The following DBF4B variants were observed in gnomAD, a reference collection of about 807,000 sequenced individuals.
DBF4B encodes protein DBF4 homolog B.
In DBF4B, 49 loss-of-function variants were observed where a neutral mutation model predicts 53.4. That is an observed-to-expected ratio of 0.92 (90% CI 0.73 to 1.16). The LOEUF is 1.16. Among genes scored for constraint, DBF4B ranks in the 50% most tolerant of loss-of-function variants. The probability of loss-of-function intolerance (pLI) is 0.00; values close to 1 mark genes in which losing one functional copy is unlikely to be tolerated. For synonymous variants in DBF4B, 257 were observed against 288.7 expected (o/e 0.89, Z 1.11); for missense variants, 692 against 775.0 (o/e 0.89, Z 1.27).
At chr17:44,711,867 C>T (rs928021108) in intron 2 of DBF4B, among the ~76,000 whole-genome samples, 1 of 150,950 alleles carries the variant, frequency 6.6e-6, no homozygotes, top group African/African-American at 2.4e-5. Flanking sequence ...ACCCGGGAGG[C>T]GGAGCTTGCA....
chr17:44,745,646 A>G (rs1198616946), intron 10 of DBF4B, among the ~76,000 whole-genome samples: 1 of 152,238 alleles, frequency 6.6e-6, no homozygotes, highest in Non-Finnish European at 1.5e-5. Context: ...CTCCATTGAC[A>G]CTTGGGGATT....
At chr17:44,718,246 A>G (rs1973505423) in intron 2 of DBF4B, among the ~76,000 whole-genome samples, 2 of 151,874 alleles carry the variant, frequency 1.3e-5, no homozygotes, top group African/African-American at 2.4e-5. Flanking sequence ...CCTGGCCAAC[A>G]TGGCTGTCTC....
chr17:44,748,830 C>G (rs1567678032), intron 13 of DBF4B: 4 of 1,293,960 alleles, frequency 3.1e-6, no homozygotes, highest in Non-Finnish European at 4.0e-6. Flanking sequence ...AGCGTCTTCC[C>G]TCTCTTCCCC....
chr17:44,740,873 C>T (rs1975939675), intron 9 of DBF4B, among the ~76,000 whole-genome samples: 1 of 152,176 alleles, frequency 6.6e-6, no homozygotes, highest in South Asian at 2.1e-4. Flanking sequence ...TGGTGGCTCA[C>T]GCCTGTAATC....
intron 12 of DBF4B, 47 bp from the exon 13 acceptor site, chr17:44,748,294 T>C (rs2049163915): frequency 6.5e-7 from 1 of 1,550,368 alleles, no homozygotes; most frequent in Non-Finnish European, 8.7e-7. Flanking sequence ...GGCCCAGGCC[T>C]GCTGTGAAGT....
In DBF4B at chr17:44,719,780, G is replaced by A. The variant is rs563800648; in HGVS notation, c.83-3100G>A. On this transcript the variant is annotated intron_variant, in intron 2 of 13. Coordinates refer to ENST00000315005, the MANE Select transcript of DBF4B (RefSeq NM_145663.3). ...GAAATTCAGAACACCAATTTGTGAGGATAAATTCCATTCGTTAGGGCAGAC... is the reference window on the plus strand; with the variant it reads ...GAAATTCAGAACACCAATTTGTGAGAATAAATTCCATTCGTTAGGGCAGAC... 5.8e-4 allele frequency: 126 copies of A among 215,896 alleles called. 1 individual carries two copies. Among genetic ancestry groups the A allele is most frequent in the Admixed American group, 9.3e-4 (21 of 22,652 alleles). 13.4% of individuals were successfully genotyped at this position (215,896 alleles called of 1,614,324 possible).
intron 4 of DBF4B, 114 bp downstream of exon 4, chr17:44,730,210 T>C: frequency 1.7e-6 from 2 of 1,175,828 alleles, no homozygotes. Context: ...AATCTCTCAT[T>C]TGAATTCAGG....
intron 2 of DBF4B, among the ~76,000 whole-genome samples, chr17:44,716,960 C>T (rs550230808): frequency 6.6e-6 from 1 of 152,228 alleles, no homozygotes; most frequent in Admixed American, 6.5e-5. Context: ...GCATCTCTTG[C>T]CTGTTGTCTT....
At chr17:44,744,083 C>CCG (rs1976355749) in intron 10 of DBF4B, among the ~76,000 whole-genome samples, 1 of 15,946 alleles carries the variant, frequency 6.3e-5, no homozygotes, top group Non-Finnish European at 1.6e-4. Context: ...ATGAGACCAC[C>CCG]CCCCCCCCCC....
rs188969222 is a variant in DBF4B, at chr17:44,722,205, C to G, written c.83-675C>G. On this transcript the variant is annotated intron_variant, in intron 2 of 13. Coordinates refer to ENST00000315005, the MANE Select transcript of DBF4B (RefSeq NM_145663.3). ...CCCCTGGAATATGGGCTCATTCACT[C>G]TCCATTTGCAGCAGCATTCTGTGCT... Among the ~76,000 whole-genome samples the G allele has an allele frequency of 6.6e-5, 10 of 151,882 alleles. No individual in the cohort carries two copies. The East Asian group carries it at 1.7e-3, about 26-fold the overall frequency.
intron 3 of DBF4B, among the ~76,000 whole-genome samples, chr17:44,728,830 C>T (rs1445714024): frequency 6.6e-6 from 1 of 151,764 alleles, no homozygotes; most frequent in Non-Finnish European, 1.5e-5. Flanking sequence ...GACACGGTGG[C>T]TCACACCTGT....
chr17:44,741,185 GA>G, intron 9 of DBF4B, 150 bp from the exon 10 acceptor site: 1 of 630,802 alleles, frequency 1.6e-6, no homozygotes, highest in Non-Finnish European at 2.9e-6. Context: ...ATTTAACCTA[GA>G]AAGGCTGATG....
chr17:44,752,177 T>G lies in DBF4B; in HGVS notation c.*924T>G. 1.7e-6 allele frequency: 1 copy of G among 601,838 alleles called. No homozygotes were observed. Among genetic ancestry groups the G allele is most frequent in the Non-Finnish European group, 2.9e-6 (1 of 340,192 alleles). The allele number at this position is 601,838 out of a possible 1,614,324, so 37.3% of individuals were successfully genotyped here. A position where few individuals can be genotyped will look rare whatever the true frequency, so the allele number is the denominator to read the frequency against. ...GACCTCAGAAAAATGCCTTTATTAC[T>G]CGGGCCTCAGTTTCCTCGTCTTTAA... On this transcript the variant is annotated 3_prime_UTR_variant, in exon 14 of 14. Coordinates refer to ENST00000315005, the MANE Select transcript of DBF4B (RefSeq NM_145663.3).
Position 44,749,145 on chromosome 17 carries a change from C to G in DBF4B, c.1189+680C>G, listed in dbSNP as rs779409212. ...AGCCCTCGGGAGCACCTGTAGAGAG[C>G]AGGTCTACCTCCCTCCTGCAGCCCC... On this transcript the variant is annotated intron_variant, in intron 13 of 13. Transcript: ENST00000315005. This position sits in a 1 kb window ranked among gnomAD's most constrained non-coding sequence, Gnocchi z 4.4. 7.8e-7 allele frequency: 1 copy of G among 1,289,636 alleles called. No individual in the cohort carries two copies. The highest frequency in any genetic ancestry group is 5.5e-5 in the East Asian group (1 of 18,034). 79.9% of individuals were successfully genotyped at this position (1,289,636 alleles called of 1,614,324 possible). A position where few individuals can be genotyped will look rare whatever the true frequency, so the allele number is the denominator to read the frequency against.
At chr17:44,723,345 T>C (rs34139297) in intron 3 of DBF4B, among the ~76,000 whole-genome samples, 13,091 of 152,216 alleles carry the variant, frequency 0.086, 617 homozygotes, top group East Asian at 0.14. Flanking sequence ...GACCTCATGA[T>C]CTGCCAACCT....
chr17:44,737,391 G>A (rs1283980852), intron 8 of DBF4B, among the ~76,000 whole-genome samples: 1 of 152,162 alleles, frequency 6.6e-6, no homozygotes, highest in Non-Finnish European at 1.5e-5. Flanking sequence ...AAAGTCACTT[G>A]GCACCTCTCT....
In DBF4B at chr17:44,749,178, C is replaced by T. The variant is rs1435564138; in HGVS notation, c.1189+713C>T. The T allele has an allele frequency of 7.8e-7, 1 of 1,289,818 alleles. No individual in the cohort carries two copies. 79.9% of individuals were successfully genotyped at this position (1,289,818 alleles called of 1,614,324 possible). A position where few individuals can be genotyped will look rare whatever the true frequency, so the allele number is the denominator to read the frequency against. On this transcript the variant is annotated intron_variant, in intron 13 of 13. Transcript: ENST00000315005. This position sits in a 1 kb window ranked among gnomAD's most constrained non-coding sequence, Gnocchi z 4.4. ...CCTCCCTCCTGCAGCCCCTGCCAGC[C>T]AGTGCGGGAGCCAGCTGTTCCCGAT...
rs1300575633 is a variant in DBF4B, at chr17:44,723,736, G to A, written c.225+714G>A. Among the ~76,000 whole-genome samples the A allele has an allele frequency of 3.3e-5, 5 of 151,706 alleles. No homozygotes were observed. In the East Asian group the frequency reaches 7.8e-4, roughly 24 times the overall value. On this transcript the variant is annotated intron_variant, in intron 3 of 13. Coordinates refer to ENST00000315005, the MANE Select transcript of DBF4B (RefSeq NM_145663.3). ...ATTGTACCACTGCACTCCAGCCTGG[G>A]AGACAGAGTGAGACTCTGTATAAAA...
intron 2 of DBF4B, among the ~76,000 whole-genome samples, chr17:44,721,216 T>TCTC (rs1973809132): frequency 8.5e-6 from 1 of 118,034 alleles, no homozygotes; most frequent in African/African-American, 3.8e-5. Context: ...AACTAATTCT[T>TCTC]CCCCCCCCCT....
Sources: allele counts gnomAD v4.1 joint callset (sites outside exome capture counted in the v4.1 genomes callset), GRCh38; gene constraint gnomAD v4.1.1; non-coding constraint Gnocchi (gnomAD v3.1); transcripts MANE v1.5; gene names NCBI Gene and HGNC (gene_info 2026-07-23, HGNC 2026-07-21).